The following SMAP1 variants were observed in gnomAD, a reference collection of about 807,000 sequenced individuals.
SMAP1 encodes the protein small ArfGAP 1, also known as stromal membrane-associated protein 1.
SMAP1 carries 24 observed loss-of-function variants against 58.5 expected under a neutral mutation model. The observed-to-expected ratio is 0.41, with a 90% confidence interval of 0.30 to 0.58. The LOEUF (loss-of-function observed/expected upper bound fraction) is 0.58. Among genes scored for constraint, SMAP1 ranks in the 20% least tolerant of loss-of-function variants. The pLI is 0.29. For missense variants in SMAP1, 563 were observed against 566.3 expected (o/e 0.99, Z 0.06); for synonymous variants, 216 against 196.6 (o/e 1.10, Z -0.82).
intron 6 of SMAP1, among the ~76,000 whole-genome samples, chr6:70,801,363 G>T (rs902519032): frequency 7.3e-5 from 11 of 150,154 alleles, no homozygotes; most frequent in Admixed American, 1.3e-4. Flanking sequence ...TTTTGATGTG[G>T]TTTTTTTTTC....
intron 6 of SMAP1, among the ~76,000 whole-genome samples, chr6:70,816,248 A>G (rs972391626): frequency 6.6e-6 from 1 of 152,206 alleles, no homozygotes; most frequent in African/African-American, 2.4e-5. Context: ...ACTGAAGTAT[A>G]GGACAATAAT....
intron 6 of SMAP1, among the ~76,000 whole-genome samples, chr6:70,813,651 G>C (rs551878459): frequency 6.6e-6 from 1 of 151,984 alleles, no homozygotes; most frequent in Non-Finnish European, 1.5e-5. Context: ...CGTATATATT[G>C]AGCCTTAAAC....
At position 70,781,757 on chromosome 6, in the gene SMAP1, C is replaced by T. The variant is rs145202003; in HGVS notation, c.414+8332C>T. 2.6e-5 allele frequency among the ~76,000 whole-genome samples: 4 copies of T among 152,292 alleles called. No homozygotes were observed. The East Asian group carries it at 7.7e-4, about 29-fold the overall frequency. On this transcript the variant is annotated intron_variant, in intron 4 of 10. Transcript: ENST00000370455. ...TTTAAACATTATGCTTTATGGCCTT[C>T]AATTACTTCATACCTTTTCAAAGGG... is the stretch of plus-strand genomic sequence containing the variant.
intron 1 of SMAP1, among the ~76,000 whole-genome samples, chr6:70,728,440 G>T (rs1253406709): frequency 6.6e-6 from 1 of 152,170 alleles, no homozygotes; most frequent in Admixed American, 6.5e-5. Context: ...ATAATTTTCA[G>T]ATTTATTTCC....
intron 1 of SMAP1, among the ~76,000 whole-genome samples, chr6:70,670,583 T>G (rs1268132579): frequency 6.6e-6 from 1 of 152,208 alleles, no homozygotes; most frequent in African/African-American, 2.4e-5. Context: ...AAAAGATATG[T>G]TAAAGGTCTT....
intron 1 of SMAP1, among the ~76,000 whole-genome samples, chr6:70,700,068 G>A (rs1195708691): frequency 6.6e-6 from 1 of 152,122 alleles, no homozygotes; most frequent in Admixed American, 6.5e-5. Flanking sequence ...GTGGGTCACA[G>A]GAATGGATTC....
chr6:70,769,273 G>C (rs1344735940), intron 3 of SMAP1, among the ~76,000 whole-genome samples: 1 of 152,256 alleles, frequency 6.6e-6, no homozygotes, highest in African/African-American at 2.4e-5. Context: ...AAGTCCGCTT[G>C]GTGCAGAGCT....
chr6:70,715,023 A>G (rs1418128476), intron 1 of SMAP1, among the ~76,000 whole-genome samples: 1 of 151,982 alleles, frequency 6.6e-6, no homozygotes, highest in Non-Finnish European at 1.5e-5. Context: ...TGCTGCTTTC[A>G]AAATCCTCTC....
intron 6 of SMAP1, among the ~76,000 whole-genome samples, chr6:70,805,491 A>G (rs1323326962): frequency 6.6e-6 from 1 of 152,138 alleles, no homozygotes; most frequent in African/African-American, 2.4e-5. Context: ...GACTTTTTGA[A>G]GCCTACTTCA....
intron 1 of SMAP1, among the ~76,000 whole-genome samples, chr6:70,709,395 G>T (rs547026818): frequency 6.6e-6 from 1 of 152,066 alleles, no homozygotes; most frequent in East Asian, 1.9e-4. Context: ...CTAGAATACA[G>T]TAGCACGATC....
intron 7 of SMAP1, among the ~76,000 whole-genome samples, chr6:70,847,176 C>T (rs1396021789): frequency 6.6e-6 from 1 of 152,104 alleles, no homozygotes; most frequent in Admixed American, 6.5e-5. Context: ...TTAATAGAGT[C>T]ATTTGGCTCA....
chr6:70,704,920 C>A (rs2149832383), intron 1 of SMAP1, among the ~76,000 whole-genome samples: 1 of 152,272 alleles, frequency 6.6e-6, no homozygotes. Context: ...CTGAAAGGGG[C>A]TATTAATTGA....
chr6:70,820,661 G>A (rs1172083387), intron 6 of SMAP1, among the ~76,000 whole-genome samples: 3 of 151,498 alleles, frequency 2.0e-5, no homozygotes, highest in Non-Finnish European at 4.4e-5. Flanking sequence ...AACCGAGATC[G>A]TGCCACTGCA....
intron 7 of SMAP1, among the ~76,000 whole-genome samples, chr6:70,846,687 T>A (rs962141537): frequency 6.6e-6 from 1 of 152,070 alleles, no homozygotes; most frequent in Non-Finnish European, 1.5e-5. Flanking sequence ...TTGTGCCAAG[T>A]ACTATGCCTG....
At position 70,861,441 on chromosome 6, in the gene SMAP1, A is replaced by C; in HGVS notation, c.*1107A>C. On this transcript the variant is annotated 3_prime_UTR_variant, in exon 11 of 11. Transcript: ENST00000370455. Reference sequence around the variant, plus strand: ...CCAATTTAGTTGTTGTAGAGAAAACATGCAGAACAAATGAAGACAAAACAT... The same window carrying C: ...CCAATTTAGTTGTTGTAGAGAAAACCTGCAGAACAAATGAAGACAAAACAT... 1 of 536,812 alleles carries C rather than the reference A, an allele frequency of 1.9e-6. No homozygotes were observed. The highest frequency in any genetic ancestry group is 3.1e-5 in the East Asian group (1 of 32,654). The allele number at this position is 536,812 out of a possible 1,614,324, so 33.3% of individuals were successfully genotyped here. A position where few individuals can be genotyped will look rare whatever the true frequency, so the allele number is the denominator to read the frequency against.
intron 1 of SMAP1, among the ~76,000 whole-genome samples, chr6:70,703,662 A>G (rs903791224): frequency 4.5e-4 from 68 of 152,194 alleles, no homozygotes; most frequent in Non-Finnish European, 8.8e-5. Context: ...GGTTTTCCCT[A>G]CCTTCTGTAG....
intron 2 of SMAP1, among the ~76,000 whole-genome samples, chr6:70,752,837 T>A (rs1287006417): frequency 6.6e-6 from 1 of 152,154 alleles, no homozygotes; most frequent in Non-Finnish European, 1.5e-5. Flanking sequence ...ACATCTGTGA[T>A]GTCATTGAAT....
chr6:70,673,686 T>C (rs1300398529), intron 1 of SMAP1, among the ~76,000 whole-genome samples: 1 of 152,230 alleles, frequency 6.6e-6, no homozygotes, highest in Non-Finnish European at 1.5e-5. Context: ...TAAAGAAATT[T>C]GCCAATCTAA....
intron 4 of SMAP1, among the ~76,000 whole-genome samples, chr6:70,785,763 C>A (rs1482823766): frequency 5.3e-5 from 8 of 152,094 alleles, no homozygotes; most frequent in Non-Finnish European, 7.4e-5. Context: ...AAGAAGTTGA[C>A]TCTCTGAATA....
Sources: allele counts gnomAD v4.1 joint callset (sites outside exome capture counted in the v4.1 genomes callset), GRCh38; gene constraint gnomAD v4.1.1; transcripts MANE v1.5; gene names NCBI Gene and HGNC (gene_info 2026-07-23, HGNC 2026-07-21).